SORCS1: variants seen among roughly 807,000 people sequenced by gnomAD.
SORCS1 encodes VPS10 domain-containing receptor SorCS1.
Under a neutral mutation model 146.1 loss-of-function variants are expected in SORCS1, and 60 were observed. The observed-to-expected ratio is 0.41, with a 90% CI of 0.33 to 0.51. The LOEUF (loss-of-function observed/expected upper bound fraction) is 0.51. Among genes scored for constraint, SORCS1 ranks in the 20% least tolerant of loss-of-function variants. The pLI is 0.21. For missense variants in SORCS1, 1,352 were observed against 1,487.6 expected (o/e 0.91, Z 1.50); for synonymous variants, 637 against 584.0 (o/e 1.09, Z -1.31).
chr10:106,928,374 G>A (rs1249411384), intron 2 of SORCS1, among the ~76,000 whole-genome samples: 2 of 152,212 alleles, frequency 1.3e-5, no homozygotes, highest in African/African-American at 4.8e-5. Flanking sequence ...GCCAGGGGCC[G>A]GCAGGCTGCT....
At chr10:106,680,034 T>C (rs927015646) in intron 10 of SORCS1, among the ~76,000 whole-genome samples, 1 of 152,190 alleles carries the variant, frequency 6.6e-6, no homozygotes. Flanking sequence ...GATCCTTCCA[T>C]TAATTACCAT....
At chr10:106,695,637 G>A (rs570836227) in intron 9 of SORCS1, among the ~76,000 whole-genome samples, 50 of 152,262 alleles carry the variant, frequency 3.3e-4, no homozygotes, top group African/African-American at 1.2e-3. Flanking sequence ...GAGAGTTATG[G>A]AAGGTTCTTT....
At chr10:107,065,514 T>TCTCC (rs1961751624) in intron 1 of SORCS1, among the ~76,000 whole-genome samples, 1 of 93,054 alleles carries the variant, frequency 1.1e-5, no homozygotes, top group African/African-American at 3.2e-5. Context: ...TCTCCTCTCT[T>TCTCC]TCTTTCTTTC....
chr10:106,651,529 C>A (rs1289372619), intron 18 of SORCS1, among the ~76,000 whole-genome samples: 1 of 152,170 alleles, frequency 6.6e-6, no homozygotes, highest in Non-Finnish European at 1.5e-5. Flanking sequence ...GGTCCCTGGA[C>A]TATCAGCAGA....
chr10:106,829,631 T>C lies in SORCS1; in HGVS notation c.669A>G (p.Lys223=). Residue 223 remains lysine, a synonymous_variant, in exon 3 of 26, where the codon AAA becomes AAG. Transcript: ENST00000263054. ...YGTTYEKLND[K]VGLKTILSYL... ...AGCTCAAAATGGTTTTCAAACCAAC[T>C]TTATCATTCAGCTTCTCATAGGTTG... is the stretch of plus-strand genomic sequence containing the variant. The C allele has an allele frequency of 6.2e-7, 1 of 1,608,338 alleles. No homozygotes were observed. The highest frequency in any genetic ancestry group is 8.5e-7 in the Non-Finnish European group (1 of 1,175,486).
chr10:106,616,066 T>C (rs1847339469), intron 21 of SORCS1, among the ~76,000 whole-genome samples: 1 of 152,182 alleles, frequency 6.6e-6, no homozygotes, highest in Non-Finnish European at 1.5e-5. Flanking sequence ...TCAATTACTA[T>C]CACCACCACC....
At chr10:106,846,247 CTT>C (rs1949312474) in intron 2 of SORCS1, among the ~76,000 whole-genome samples, 1 of 18,018 alleles carries the variant, frequency 5.6e-5, no homozygotes, top group Non-Finnish European at 1.4e-4. Context: ...TTTGTATCCT[CTT>C]TTATTTCCTT....
In SORCS1 at chr10:106,960,351, C is replaced by T. The variant is rs1955162146; in HGVS notation, c.559-3771G>A. Among the ~76,000 whole-genome samples the T allele has an allele frequency of 6.6e-6, 1 of 152,050 alleles. No individual in the cohort carries two copies. Among genetic ancestry groups the T allele is most frequent in the South Asian group, 2.1e-4 (1 of 4,828 alleles). The stretch of plus-strand genomic sequence containing the variant: ...TGTGACTCCTTCTTGCCACATCTAT[C>T]GCTTACACAACTTTTGGGAGGAACT... On this transcript the variant is annotated intron_variant, in intron 1 of 25. Transcript: ENST00000263054. This position sits in a 1 kb window ranked among gnomAD's most constrained non-coding sequence, Gnocchi z 4.4.
chr10:106,579,954 A>G lies in SORCS1; in HGVS notation c.3266-480T>C, dbSNP rs542485925. Among the ~76,000 whole-genome samples the G allele has an allele frequency of 4.6e-5, 7 of 151,798 alleles. No homozygotes were observed. The South Asian group carries it at 1.5e-3, about 31-fold the overall frequency. On this transcript the variant is annotated intron_variant, in intron 24 of 25. Coordinates refer to ENST00000263054, the MANE Select transcript of SORCS1 (RefSeq NM_052918.5). ...AGTATTATTAATCAATATTTATAATATAATAATTATATTTTATTATACTCT... is the reference window on the plus strand; with the variant it reads ...AGTATTATTAATCAATATTTATAATGTAATAATTATATTTTATTATACTCT...
intron 17 of SORCS1, among the ~76,000 whole-genome samples, chr10:106,664,794 T>C (rs1312620547): frequency 6.6e-6 from 1 of 152,062 alleles, no homozygotes; most frequent in African/African-American, 2.4e-5. Flanking sequence ...CAGACTAATA[T>C]AACTTCCTTG....
chr10:106,700,283 G>C (rs1854039589), intron 8 of SORCS1, among the ~76,000 whole-genome samples: 1 of 152,128 alleles, frequency 6.6e-6, no homozygotes. Context: ...AAGTACAATG[G>C]AAGCTACCAC....
At chr10:106,972,478 T>A (rs572311297) in intron 1 of SORCS1, among the ~76,000 whole-genome samples, 2 of 152,066 alleles carry the variant, frequency 1.3e-5, no homozygotes, top group Non-Finnish European at 2.9e-5. Flanking sequence ...GCATTCTGAA[T>A]AACATAATCT....
chr10:106,924,365 T>G (rs1564815537), intron 2 of SORCS1, among the ~76,000 whole-genome samples: 1 of 152,144 alleles, frequency 6.6e-6, no homozygotes, highest in Non-Finnish European at 1.5e-5. Flanking sequence ...AACATTTTAT[T>G]GTATTAGATA....
intron 2 of SORCS1, among the ~76,000 whole-genome samples, chr10:106,918,466 G>A (rs1952551238): frequency 6.6e-6 from 1 of 152,070 alleles, no homozygotes; most frequent in Non-Finnish European, 1.5e-5. Context: ...CCTGGCTAAA[G>A]ATGTTTTCTT....
At chr10:106,772,786 T>G (rs1040044978) in intron 4 of SORCS1, among the ~76,000 whole-genome samples, 1 of 152,110 alleles carries the variant, frequency 6.6e-6, no homozygotes, top group African/African-American at 2.4e-5. Flanking sequence ...TCCCTTATAA[T>G]GCCCACATCA....
chr10:106,575,804 T>C lies in SORCS1; in HGVS notation c.*1616A>G, dbSNP rs1013261495. 6.6e-6 allele frequency: 1 copy of C among 152,666 alleles called. No individual in the cohort carries two copies. Among genetic ancestry groups the C allele is most frequent in the African/African-American group, 2.4e-5 (1 of 41,466 alleles). 9.5% of individuals were successfully genotyped at this position (152,666 alleles called of 1,614,324 possible). On this transcript the variant is annotated 3_prime_UTR_variant, in exon 26 of 26. Coordinates refer to ENST00000263054, the MANE Select transcript of SORCS1 (RefSeq NM_052918.5). ...TATTCTCTCAGACTGTTTGACACTC[T>C]TAAACACAAAGTCCATTAACCTGTT...
At chr10:106,814,697 G>C (rs1037436997) in intron 3 of SORCS1, among the ~76,000 whole-genome samples, 1 of 151,894 alleles carries the variant, frequency 6.6e-6, no homozygotes, top group African/African-American at 2.4e-5. Context: ...GGTGGATCAC[G>C]AGGTCAGGAG....
intron 1 of SORCS1, among the ~76,000 whole-genome samples, chr10:106,993,654 CTG>C (rs1284791989): frequency 6.6e-6 from 1 of 152,098 alleles, no homozygotes; most frequent in Non-Finnish European, 1.5e-5. Context: ...ACAGTTGAAA[CTG>C]TCAACACTTT....
At chr10:106,665,741 C>A (rs1356779074) in intron 17 of SORCS1, among the ~76,000 whole-genome samples, 1 of 152,054 alleles carries the variant, frequency 6.6e-6, no homozygotes, top group South Asian at 2.1e-4. Context: ...ATATATAATT[C>A]TTTAATATCA....
Sources: gnomAD v4.1 joint callset for allele counts (sites outside exome capture counted in the v4.1 genomes callset) on GRCh38, gnomAD v4.1.1 for gene constraint, Gnocchi (gnomAD v3.1) non-coding constraint, MANE v1.5 for transcripts, NCBI Gene and HGNC (gene_info 2026-07-23, HGNC 2026-07-21) for gene names.